The following PCDH15 variants were observed in gnomAD, a reference collection of about 807,000 sequenced individuals.
The protein encoded by PCDH15 is protocadherin related 15.
Under a neutral mutation model 178.5 loss-of-function variants are expected in PCDH15, and 129 were observed. The ratio of observed to expected loss-of-function variants is 0.72; its 90% CI spans 0.63 to 0.84. The LOEUF (loss-of-function observed/expected upper bound fraction) is 0.84. Among genes scored for constraint, PCDH15 ranks in the 40% least tolerant of loss-of-function variants. The pLI is 0.00. For synonymous variants in PCDH15, 800 were observed against 732.0 expected, an observed-to-expected ratio of 1.09 and a Z score of -1.50; for missense variants, 2,230 against 2,099.9, an observed-to-expected ratio of 1.06 and a Z score of -1.21.
chr10:54,194,429 G>A (rs562484064), intron 11 of PCDH15, among the ~76,000 whole-genome samples: 37 of 152,230 alleles, frequency 2.4e-4, no homozygotes, highest in African/African-American at 8.2e-4. Flanking sequence ...ATGTTGGACA[G>A]TACAGTTACA....
intron 2 of PCDH15, among the ~76,000 whole-genome samples, chr10:55,428,516 A>G (rs1838809782): frequency 6.6e-6 from 1 of 151,844 alleles, no homozygotes; most frequent in Non-Finnish European, 1.5e-5. Flanking sequence ...TATATACTGC[A>G]TTATAGATAC....
chr10:54,217,425 G>A (rs2052219121), intron 9 of PCDH15, among the ~76,000 whole-genome samples: 1 of 152,134 alleles, frequency 6.6e-6, no homozygotes, highest in Admixed American at 6.5e-5. Flanking sequence ...GTGGTATGTT[G>A]TGATTCCAAG....
intron 2 of PCDH15, among the ~76,000 whole-genome samples, chr10:55,032,750 C>T (rs1161203451): frequency 3.9e-5 from 6 of 152,140 alleles, no homozygotes; most frequent in Admixed American, 3.9e-4. Context: ...GGGAGAGTGA[C>T]TCTGAAGACA....
intron 1 of PCDH15, among the ~76,000 whole-genome samples, chr10:54,667,661 C>T (rs1164960866): frequency 6.6e-6 from 1 of 152,008 alleles, no homozygotes; most frequent in Non-Finnish European, 1.5e-5. Context: ...TACTACAAAT[C>T]CCACATCAAA....
intron 1 of PCDH15, among the ~76,000 whole-genome samples, chr10:55,299,698 A>G (rs895533244): frequency 6.6e-6 from 1 of 152,216 alleles, no homozygotes; most frequent in Non-Finnish European, 1.5e-5. Flanking sequence ...ACCTTGATCC[A>G]AATGCTAATA....
At chr10:54,619,801 T>G (rs2093297416) in intron 2 of PCDH15, among the ~76,000 whole-genome samples, 1 of 152,074 alleles carries the variant, frequency 6.6e-6, no homozygotes, top group Non-Finnish European at 1.5e-5. Context: ...CCTATTTCTA[T>G]TCTTCTAAAG....
At chr10:53,944,198 G>T (rs2086329152) in intron 23 of PCDH15, among the ~76,000 whole-genome samples, 2 of 152,146 alleles carry the variant, frequency 1.3e-5, no homozygotes, top group South Asian at 4.1e-4. Flanking sequence ...ATCAATAAAG[G>T]AAATTGAAAA....
chr10:54,511,859 G>A (rs1255692993), intron 3 of PCDH15, among the ~76,000 whole-genome samples: 1 of 151,958 alleles, frequency 6.6e-6, no homozygotes, highest in East Asian at 1.9e-4. Flanking sequence ...GTCAAATAAG[G>A]TATGTGAGTG....
chr10:54,627,221 T>A, intron 2 of PCDH15, among the ~76,000 whole-genome samples: 1 of 152,102 alleles, frequency 6.6e-6, no homozygotes, highest in Non-Finnish European at 1.5e-5. Flanking sequence ...GAAATGAGAC[T>A]CTGGGGGACT....
chr10:55,178,319 G>T (rs1015611651), intron 1 of PCDH15, among the ~76,000 whole-genome samples: 2 of 152,118 alleles, frequency 1.3e-5, no homozygotes, highest in Non-Finnish European at 2.9e-5. Flanking sequence ...TAATCTGGGA[G>T]GGCTGCATAA....
At chr10:54,056,772 G>T (rs995813659) in intron 18 of PCDH15, among the ~76,000 whole-genome samples, 2 of 152,056 alleles carry the variant, frequency 1.3e-5, no homozygotes, top group African/African-American at 4.8e-5. Context: ...AACAGTTGAA[G>T]TCCGAAGTCT....
At chr10:54,798,974 G>A (rs1356449645) in intron 1 of PCDH15, among the ~76,000 whole-genome samples, 2 of 152,060 alleles carry the variant, frequency 1.3e-5, no homozygotes, top group Non-Finnish European at 2.9e-5. Flanking sequence ...TCACATTTAT[G>A]AAATTACTTT....
intron 2 of PCDH15, among the ~76,000 whole-genome samples, chr10:55,158,570 C>T (rs947489628): frequency 2.2e-4 from 33 of 149,838 alleles, no homozygotes; most frequent in African/African-American, 7.8e-4. Context: ...AACTGAATAA[C>T]AGCTGATTAT....
chr10:54,031,743 C>T (rs1000381375), intron 18 of PCDH15, among the ~76,000 whole-genome samples: 2 of 152,144 alleles, frequency 1.3e-5, no homozygotes, highest in African/African-American at 4.8e-5. Flanking sequence ...ATTCAGTTCT[C>T]ATGTTAATGG....
rs139778508 is a variant in PCDH15, at chr10:55,402,437, T to C, written c.-156+225188A>G. The stretch of plus-strand genomic sequence containing the variant: ...ATGTTGTTTTCAACTGTAGTCACCA[T>C]ATTGTGCAATGGAACACTAGAACTT... On this transcript the variant is annotated intron_variant, in intron 2 of 5. Transcript: ENST00000613346. Among the ~76,000 whole-genome samples the C allele has an allele frequency of 6.3e-4, 96 of 152,100 alleles. No individual in the cohort carries two copies. In the East Asian group the frequency reaches 0.017, roughly 27 times the overall value.
chr10:53,863,535 T>C (rs1297890842), intron 27 of PCDH15, among the ~76,000 whole-genome samples: 1 of 150,738 alleles, frequency 6.6e-6, no homozygotes, highest in East Asian at 1.9e-4. Flanking sequence ...GATTAGAGGG[T>C]TTAAGAGAGG....
At chr10:54,695,017 G>A (rs1224008678) in intron 1 of PCDH15, among the ~76,000 whole-genome samples, 3 of 148,910 alleles carry the variant, frequency 2.0e-5, no homozygotes, top group Middle Eastern at 3.4e-3. Context: ...GTGAGCACAT[G>A]AATGATAAGA....
chr10:54,365,793 T>C (rs1387960258), intron 5 of PCDH15, among the ~76,000 whole-genome samples: 1 of 152,156 alleles, frequency 6.6e-6, no homozygotes, highest in Non-Finnish European at 1.5e-5. Context: ...TTCAATGTCT[T>C]ATGTCTTGCT....
At chr10:55,187,830 A>G (rs1200875552) in intron 1 of PCDH15, among the ~76,000 whole-genome samples, 3 of 152,010 alleles carry the variant, frequency 2.0e-5, no homozygotes, top group African/African-American at 7.2e-5. Context: ...GAGGAGAAAA[A>G]AATATGGTAA....
Sources: gnomAD v4.1 joint callset for allele counts (sites outside exome capture counted in the v4.1 genomes callset) on GRCh38, gnomAD v4.1.1 for gene constraint, MANE v1.5 for transcripts, NCBI Gene and HGNC (gene_info 2026-07-23, HGNC 2026-07-21) for gene names.